The following HMGCLL1 variants were observed in gnomAD, a reference collection of about 807,000 sequenced individuals.
HMGCLL1 encodes the protein 3-hydroxymethyl-3-methylglutaryl-CoA lyase, cytoplasmic.
A neutral mutation model predicts 39.1 loss-of-function variants in HMGCLL1; 36 were observed. The observed-to-expected ratio is 0.92, with a 90% CI of 0.71 to 1.22. The LOEUF (loss-of-function observed/expected upper bound fraction) is 1.22, where lower values mean the gene tolerates loss of function less well. Ranked by LOEUF, HMGCLL1 falls within the 50% of genes most tolerant of loss-of-function variation. The pLI is 0.00. For missense variants in HMGCLL1, 451 were observed against 416.5 expected (o/e 1.08, Z -0.72); for synonymous variants, 149 against 144.0 (o/e 1.03, Z -0.25).
At chr6:55,611,119 T>A in the HMGCLL1 span, among the ~76,000 whole-genome samples, 1 of 152,046 alleles carries the variant, frequency 6.6e-6, no homozygotes, top group Non-Finnish European at 1.5e-5. Context: ...CTCAAAACCA[T>A]AAAACTACAA....
In HMGCLL1 at chr6:55,439,382, A is replaced by G. The variant is rs527733736; in HGVS notation, c.921+52T>C. The G allele has an allele frequency of 7.1e-6, 11 of 1,551,812 alleles. No individual in the cohort carries two copies. The Admixed American group carries it at 1.6e-4, about 22-fold the overall frequency. ...CTTCCCACATCTTAGAAGCTTTGCA[A>G]TTTGGAGCTGCAAGGAATGCATGAA... On this transcript the variant is annotated intron_variant, in intron 8 of 8. Transcript: ENST00000274901.
intron 1 of HMGCLL1, among the ~76,000 whole-genome samples, chr6:55,553,768 C>T (rs1770496420): frequency 6.6e-6 from 1 of 152,002 alleles, no homozygotes; most frequent in Admixed American, 6.6e-5. Context: ...TAAATTATTC[C>T]ATTTATCATT....
chr6:55,558,826 C>G (rs1465824121), intron 1 of HMGCLL1, among the ~76,000 whole-genome samples: 1 of 152,196 alleles, frequency 6.6e-6, no homozygotes, highest in Non-Finnish European at 1.5e-5. Flanking sequence ...AATTTTCCTT[C>G]TATCCCTTAA....
At chr6:55,596,150 C>T in the HMGCLL1 span, among the ~76,000 whole-genome samples, 4 of 152,206 alleles carry the variant, frequency 2.6e-5, no homozygotes, top group East Asian at 7.7e-4. Flanking sequence ...CATGGTGAAA[C>T]CCCATCTCTA....
At chr6:55,621,475 A>T in the HMGCLL1 span, among the ~76,000 whole-genome samples, 1 of 151,906 alleles carries the variant, frequency 6.6e-6, no homozygotes, top group Admixed American at 6.6e-5. Flanking sequence ...CTCCTGTCAG[A>T]TCAGCAGCAG....
the HMGCLL1 span, among the ~76,000 whole-genome samples, chr6:55,623,938 C>G: frequency 6.6e-6 from 1 of 151,948 alleles, no homozygotes; most frequent in Non-Finnish European, 1.5e-5. Flanking sequence ...GTAAGTCAGA[C>G]CTGAGCTAAA....
chr6:55,451,389 G>A (rs1396883160), intron 7 of HMGCLL1, among the ~76,000 whole-genome samples: 1 of 151,892 alleles, frequency 6.6e-6, no homozygotes, highest in African/African-American at 2.4e-5. Context: ...TTGGGAGACT[G>A]AGGCGGGTGG....
chr6:55,603,733 G>C, the HMGCLL1 span, among the ~76,000 whole-genome samples: 3 of 152,004 alleles, frequency 2.0e-5, no homozygotes, highest in Admixed American at 6.6e-5. Context: ...GACAGTGAGC[G>C]TACTTAACTC....
intron 5 of HMGCLL1, among the ~76,000 whole-genome samples, chr6:55,506,904 A>G (rs1767199463): frequency 6.6e-6 from 1 of 151,770 alleles, no homozygotes. Context: ...AACTCCTATC[A>G]ATAGAATTGT....
the HMGCLL1 span, among the ~76,000 whole-genome samples, chr6:55,597,711 A>G: frequency 1.3e-5 from 2 of 152,176 alleles, no homozygotes; most frequent in Non-Finnish European, 2.9e-5. Context: ...AAGGGCTTAA[A>G]GTTCCAAGTA....
intron 3 of HMGCLL1, among the ~76,000 whole-genome samples, chr6:55,538,657 T>C (rs1204031318): frequency 6.6e-6 from 1 of 152,108 alleles, no homozygotes; most frequent in Non-Finnish European, 1.5e-5. Context: ...TTGAAAGTAA[T>C]ATGGTATTGT....
intron 5 of HMGCLL1, among the ~76,000 whole-genome samples, chr6:55,505,466 C>T (rs1259629196): frequency 6.6e-6 from 1 of 151,550 alleles, no homozygotes; most frequent in African/African-American, 2.4e-5. Context: ...AATAACATGC[C>T]ATTATTATTA....
At chr6:55,592,181 C>G in the HMGCLL1 span, among the ~76,000 whole-genome samples, 3 of 151,936 alleles carry the variant, frequency 2.0e-5, no homozygotes, top group Non-Finnish European at 4.4e-5. Context: ...CCTCTTCCCA[C>G]TTAATTTCTG....
the HMGCLL1 span, among the ~76,000 whole-genome samples, chr6:55,645,760 A>G: frequency 6.6e-6 from 1 of 151,902 alleles, no homozygotes; most frequent in African/African-American, 2.4e-5. Context: ...TTTGGTAATG[A>G]AAAAGATCTT....
chr6:55,454,438 C>T (rs1411107187), intron 7 of HMGCLL1, among the ~76,000 whole-genome samples: 1 of 152,190 alleles, frequency 6.6e-6, no homozygotes, highest in African/African-American at 2.4e-5. Flanking sequence ...AGATACCTAG[C>T]CAGTGGCTCA....
chr6:55,634,632 T>C, the HMGCLL1 span, among the ~76,000 whole-genome samples: 1 of 152,146 alleles, frequency 6.6e-6, no homozygotes, highest in African/African-American at 2.4e-5. Flanking sequence ...CCCACATAGA[T>C]CAGTCTGTTA....
chr6:55,650,134 T>TACAC, the HMGCLL1 span, among the ~76,000 whole-genome samples: 1 of 53,326 alleles, frequency 1.9e-5, no homozygotes, highest in African/African-American at 6.7e-5. Flanking sequence ...TATATATATA[T>TACAC]ACACACACAC....
intron 1 of HMGCLL1, chr6:55,563,805 TCTC>T: frequency 9.3e-7 from 1 of 1,077,014 alleles, no homozygotes; most frequent in Non-Finnish European, 1.3e-6. Flanking sequence ...TTGTTAGGCT[TCTC>T]CTATTCTCAC....
chr6:55,454,877 C>T (rs1003862261), intron 7 of HMGCLL1, among the ~76,000 whole-genome samples: 4 of 152,110 alleles, frequency 2.6e-5, no homozygotes, highest in African/African-American at 9.7e-5. Context: ...GGGGGGTAAA[C>T]TTCAGAATTC....
Sources: gnomAD v4.1 joint callset for allele counts (sites outside exome capture counted in the v4.1 genomes callset) on GRCh38, gnomAD v4.1.1 for gene constraint, MANE v1.5 for transcripts, NCBI Gene and HGNC (gene_info 2026-07-23, HGNC 2026-07-21) for gene names.